PCDHA5: variants seen among roughly 807,000 people sequenced by gnomAD.
PCDHA5 encodes protocadherin alpha 5.
A neutral mutation model predicts 61.6 loss-of-function variants in PCDHA5; 43 were observed. The observed-to-expected ratio is 0.70, with a 90% CI of 0.55 to 0.90. PCDHA5 has a LOEUF of 0.90. Among genes scored for constraint, PCDHA5 ranks in the 40% least tolerant of loss-of-function variants. The pLI, the probability that PCDHA5 is intolerant of heterozygous loss-of-function variation, is 0.00. For synonymous variants in PCDHA5, 627 were observed against 543.9 expected (o/e 1.15, Z -2.13); for missense variants, 1,298 against 1,222.7 (o/e 1.06, Z -0.92).
intron 1 of PCDHA5, chr5:140,870,414 G>T: frequency 6.2e-7 from 1 of 1,614,230 alleles, no homozygotes; most frequent in Non-Finnish European, 8.5e-7. Context: ...TGTGGGCCAC[G>T]GCCAGGGTAT....
chr5:140,928,573 A>G (rs1353807568), intron 1 of PCDHA5: 2 of 1,614,110 alleles, frequency 1.2e-6, no homozygotes, highest in African/African-American at 1.3e-5. Context: ...TCCCTTGCCC[A>G]GAAATGGTTC....
chr5:140,849,508 T>C, intron 1 of PCDHA5: 1 of 1,596,440 alleles, frequency 6.3e-7, no homozygotes, highest in South Asian at 1.1e-5. Context: ...ACACTTCTTG[T>C]GGAAGTTGTG....
intron 1 of PCDHA5, chr5:140,927,238 G>A (rs782670286): frequency 1.2e-6 from 2 of 1,614,122 alleles, no homozygotes; most frequent in Non-Finnish European, 1.7e-6. Flanking sequence ...TCACGTCCTG[G>A]ACACCAATGA....
intron 1 of PCDHA5, chr5:140,968,973 C>T (rs1404110882): frequency 4.3e-6 from 7 of 1,614,076 alleles, no homozygotes; most frequent in African/African-American, 2.7e-5. Flanking sequence ...CGCTACACTG[C>T]GTATGGCACT....
In PCDHA5 at chr5:140,821,783, A is replaced by T. The variant is rs2150110665; in HGVS notation, c.8A>T (p.Tyr3Phe). The change falls in exon 1 of 4, where the codon TAT becomes TTT. Residue 3 changes from tyrosine (Y) to phenylalanine (F), a missense_variant. Tyr to Phe is a conservative substitution (Grantham distance 22). Coordinates refer to ENST00000529859, the MANE Select transcript of PCDHA5 (RefSeq NM_018908.3). MVYSRRGSLGSRL... is the reference protein window; with the variant it reads MVFSRRGSLGSRL... ...AATTGGAACGAGATTGAGATGGTAT[A>T]TTCCCGGAGAGGAAGTCTGGGATCC... 4 of 1,610,396 alleles carry T rather than the reference A, an allele frequency of 2.5e-6. No homozygotes were observed. Among genetic ancestry groups the T allele is most frequent in the Non-Finnish European group, 2.5e-6 (3 of 1,178,092 alleles).
intron 1 of PCDHA5, chr5:140,870,246 C>A: frequency 6.2e-7 from 1 of 1,614,168 alleles, no homozygotes; most frequent in Non-Finnish European, 8.5e-7. Flanking sequence ...CAGGTGTCAA[C>A]GGACAGGTGA....
At position 140,883,968 on chromosome 5, in the gene PCDHA5, C is replaced by G. The variant is rs201548026; in HGVS notation, c.2352+59841C>G. 34 of 1,613,020 alleles carry G rather than the reference C, an allele frequency of 2.1e-5. No homozygotes were observed. The East Asian group carries it at 7.4e-4, about 35-fold the overall frequency. ...AACGACAACGCTCCGGCGCTGCTGACGCCCGGGGCTGGCAGCGCGGGAGGC... is the reference window on the plus strand; with the variant it reads ...AACGACAACGCTCCGGCGCTGCTGAGGCCCGGGGCTGGCAGCGCGGGAGGC... On this transcript the variant is annotated intron_variant, in intron 1 of 3. Coordinates refer to ENST00000529859, the MANE Select transcript of PCDHA5 (RefSeq NM_018908.3).
chr5:140,921,716 A>C (rs1554200396), intron 1 of PCDHA5, among the ~76,000 whole-genome samples: 1 of 152,202 alleles, frequency 6.6e-6, no homozygotes, highest in Non-Finnish European at 1.5e-5. Context: ...TAAACACACG[A>C]ATTACTCCCA....
At chr5:140,877,869 T>G (rs782747532) in intron 1 of PCDHA5, 1 of 1,488,856 alleles carries the variant, frequency 6.7e-7, no homozygotes, top group African/African-American at 1.4e-5. Context: ...TAGATATATT[T>G]GTTTCCTTGA....
chr5:140,828,322 A>T, intron 1 of PCDHA5: 1 of 1,614,224 alleles, frequency 6.2e-7, no homozygotes, highest in South Asian at 1.1e-5. Flanking sequence ...TTCTGGAGGT[A>T]AATCTGCAGA....
chr5:140,842,142 A>G (rs2150330261), intron 1 of PCDHA5: 7 of 1,613,746 alleles, frequency 4.3e-6, no homozygotes, highest in Middle Eastern at 1.6e-4. Context: ...GAAGGAGCCA[A>G]TGGGGCAATT....
intron 1 of PCDHA5, chr5:140,834,523 G>A: frequency 1.9e-6 from 3 of 1,614,068 alleles, no homozygotes; most frequent in East Asian, 2.2e-5. Flanking sequence ...TTCGTGGGCC[G>A]CATCGCGCAG....
chr5:140,882,331 C>A, intron 1 of PCDHA5: 1 of 1,614,214 alleles, frequency 6.2e-7, no homozygotes, highest in South Asian at 1.1e-5. Context: ...TTCTGATCCT[C>A]GCAGCCTGGG....
chr5:140,823,348 G>T lies in PCDHA5; in HGVS notation c.1573G>T (p.Glu525Ter), dbSNP rs2150124872. The change falls in exon 1 of 4, where the codon GAG becomes TAG. Residue 525 changes from glutamate to a stop codon, truncating the protein, a stop_gained. Transcript: ENST00000529859. LOFTEE classifies it high-confidence loss of function. Reference protein sequence around the residue: ...KVYALQPLDHEEVELLQFQVS... With the variant: ...KVYALQPLDH ...GTACGCGCTGCAGCCGCTGGACCACGAGGAAGTGGAGCTGCTGCAGTTCCA... is the reference window on the plus strand; with the variant it reads ...GTACGCGCTGCAGCCGCTGGACCACTAGGAAGTGGAGCTGCTGCAGTTCCA... The T allele has an allele frequency of 1.2e-6, 2 of 1,612,460 alleles. No individual in the cohort carries two copies. The highest frequency in any genetic ancestry group is 1.7e-6 in the Non-Finnish European group (2 of 1,179,786).
chr5:140,842,466 A>C, intron 1 of PCDHA5: 1 of 1,613,912 alleles, frequency 6.2e-7, no homozygotes, highest in Non-Finnish European at 8.5e-7. Context: ...TCAGGTGCCA[A>C]CGGGCAGGTG....
chr5:140,842,557 C>T (rs200079412), intron 1 of PCDHA5: 4 of 1,596,448 alleles, frequency 2.5e-6, no homozygotes, highest in Non-Finnish European at 3.4e-6. Context: ...TGGACAGCGC[C>T]CTGGACCGCG....
rs551685820 is a variant in PCDHA5, at chr5:140,967,997, C to G, written c.2353-10952C>G. On this transcript the variant is annotated intron_variant, in intron 1 of 3. Transcript: ENST00000529859. ...GGGTCTGGAGGCCACACTGCCTTTC[C>G]GACTGAATGGCTTTGGAAACTCCTA... is the stretch of plus-strand genomic sequence containing the variant. The G allele has an allele frequency of 4.3e-6, 7 of 1,614,220 alleles. No individual in the cohort carries two copies. In the African/African-American group the frequency reaches 6.7e-5, roughly 15 times the overall value.
rs146736705 is a variant in PCDHA5 at position 140,829,807 on chromosome 5, T to C, written c.2352+5680T>C. 3.4e-3 allele frequency: 5,423 copies of C among 1,613,834 alleles called. 11 individuals are homozygous for C. Among genetic ancestry groups the C allele is most frequent in the Middle Eastern group, 4.6e-3 (28 of 6,054 alleles). ...CGCTGCTGGCGCCTCGGGTGGGTGG[T>C]ACTGGTGGTGCAGTGAGCGAGCTGG... On this transcript the variant is annotated intron_variant, in intron 1 of 3. Transcript: ENST00000529859.
chr5:140,985,338 A>G (rs2153836548), intron 3 of PCDHA5, among the ~76,000 whole-genome samples: 1 of 152,280 alleles, frequency 6.6e-6, no homozygotes, highest in South Asian at 2.1e-4. Flanking sequence ...TCTCATTTGC[A>G]GGCCCAGATA....
Sources: allele counts gnomAD v4.1 joint callset (sites outside exome capture counted in the v4.1 genomes callset), GRCh38; gene constraint gnomAD v4.1.1; transcripts MANE v1.5; gene names NCBI Gene and HGNC (gene_info 2026-07-23, HGNC 2026-07-21).